The following NCKAP5 variants were observed in gnomAD, a reference collection of about 807,000 sequenced individuals.
The protein encoded by NCKAP5 is NCK associated protein 5, also known as nck-associated protein 5.
NCKAP5 carries 92 observed loss-of-function variants against 167.0 expected under a neutral mutation model. The observed-to-expected ratio is 0.55, with a 90% CI of 0.47 to 0.66. The LOEUF (loss-of-function observed/expected upper bound fraction) is 0.66. Ranked by LOEUF, NCKAP5 falls within the 30% of genes least tolerant of loss-of-function variation. The pLI, the probability that NCKAP5 is intolerant of heterozygous loss-of-function variation, is 0.00. For synonymous variants in NCKAP5, 891 were observed against 877.4 expected (o/e 1.02, Z -0.27); for missense variants, 2,378 against 2,315.0 (o/e 1.03, Z -0.56).
At chr2:133,194,713 T>C (rs2085363666) in intron 5 of NCKAP5, among the ~76,000 whole-genome samples, 2 of 151,896 alleles carry the variant, frequency 1.3e-5, no homozygotes, top group Non-Finnish European at 2.9e-5. Context: ...ATTTAAATTT[T>C]ATATAACTAA....
chr2:133,382,337 C>T (rs1223424537), intron 3 of NCKAP5, among the ~76,000 whole-genome samples: 1 of 152,192 alleles, frequency 6.6e-6, no homozygotes, highest in Non-Finnish European at 1.5e-5. Flanking sequence ...TATTATGCCC[C>T]TCCCTCGAAT....
chr2:133,364,717 G>A (rs1258030026), intron 3 of NCKAP5, among the ~76,000 whole-genome samples: 3 of 151,998 alleles, frequency 2.0e-5, no homozygotes, highest in East Asian at 3.9e-4. Flanking sequence ...TGTGTGCTCA[G>A]TAGATCACAG....
intron 16 of NCKAP5, among the ~76,000 whole-genome samples, chr2:132,770,503 A>C (rs1574144057): frequency 6.6e-6 from 1 of 150,532 alleles, no homozygotes; most frequent in East Asian, 1.9e-4. Flanking sequence ...ATGGATTGTC[A>C]GGCTTTTTTG....
chr2:133,502,851 G>C (rs1050271613), intron 3 of NCKAP5, among the ~76,000 whole-genome samples: 1 of 152,250 alleles, frequency 6.6e-6, no homozygotes, highest in Non-Finnish European at 1.5e-5. Flanking sequence ...ATGAATGAAT[G>C]AGTGGCAAGC....
the NCKAP5 span, among the ~76,000 whole-genome samples, chr2:133,590,523 C>CAAAAAAAAA: frequency 1.1e-5 from 1 of 89,704 alleles, no homozygotes; most frequent in Non-Finnish European, 2.1e-5. Context: ...GACTCTGTCT[C>CAAAAAAAAA]AAAAAAAAAA....
chr2:133,242,980 A>T (rs931509147), intron 4 of NCKAP5, among the ~76,000 whole-genome samples: 4 of 152,140 alleles, frequency 2.6e-5, no homozygotes, highest in Non-Finnish European at 4.4e-5. Context: ...AAAAAGAAAG[A>T]CTTCCTCATA....
intron 19 of NCKAP5, among the ~76,000 whole-genome samples, chr2:132,700,904 C>A (rs1372828688): frequency 7.4e-6 from 1 of 134,756 alleles, no homozygotes; most frequent in Non-Finnish European, 1.5e-5. Context: ...GGTCTCTTTC[C>A]TGCATGCTGG....
chr2:133,151,330 T>G (rs2083377727), intron 5 of NCKAP5, among the ~76,000 whole-genome samples: 1 of 151,614 alleles, frequency 6.6e-6, no homozygotes, highest in East Asian at 1.9e-4. Flanking sequence ...ACTTCTGCTC[T>G]GTGAAAAATA....
chr2:133,388,049 C>G (rs747997598), intron 3 of NCKAP5, among the ~76,000 whole-genome samples: 1 of 152,212 alleles, frequency 6.6e-6, no homozygotes, highest in Admixed American at 6.5e-5. Context: ...AACTCATCAA[C>G]GTAATTCTCC....
Position 133,015,734 on chromosome 2 carries a change from G to C in NCKAP5, c.342-21495C>G, listed in dbSNP as rs546781380. 2.0e-5 allele frequency among the ~76,000 whole-genome samples: 3 copies of C among 152,114 alleles called. No homozygotes were observed. In the East Asian group the frequency reaches 5.8e-4, roughly 29 times the overall value. ...ACAAGACCCAGTCTCTACTCAAAAG[G>C]AACTTACTACTGCTTAATGAGGAGA... is the stretch of plus-strand genomic sequence containing the variant. On this transcript the variant is annotated intron_variant, in intron 6 of 19. Transcript: ENST00000409261.
At chr2:133,457,744 C>T (rs780788191) in intron 3 of NCKAP5, among the ~76,000 whole-genome samples, 19 of 152,104 alleles carry the variant, frequency 1.2e-4, no homozygotes, top group South Asian at 2.1e-4. Flanking sequence ...TCTTAAAGGG[C>T]CAGTTTTTCT....
chr2:133,502,809 GT>G (rs1362819952), intron 3 of NCKAP5, among the ~76,000 whole-genome samples: 2 of 152,204 alleles, frequency 1.3e-5, no homozygotes, highest in East Asian at 3.8e-4. Flanking sequence ...GAAATGAGGC[GT>G]TCAATGAACG....
chr2:133,109,429 G>A (rs1267983643), intron 6 of NCKAP5, among the ~76,000 whole-genome samples: 1 of 152,188 alleles, frequency 6.6e-6, no homozygotes, highest in Non-Finnish European at 1.5e-5. Context: ...AGAGAGTTAT[G>A]AGAATTATAT....
intron 3 of NCKAP5, among the ~76,000 whole-genome samples, chr2:133,489,238 T>C (rs575822518): frequency 2.0e-5 from 3 of 152,330 alleles, no homozygotes; most frequent in African/African-American, 4.8e-5. Context: ...TACATACTTA[T>C]CTGAAATGAG....
intron 2 of NCKAP5, among the ~76,000 whole-genome samples, chr2:133,549,930 A>G (rs1394885173): frequency 4.9e-5 from 7 of 142,150 alleles, no homozygotes; most frequent in African/African-American, 1.3e-4. Context: ...CACCGATCCC[A>G]CAGAAATACA....
chr2:133,253,421 T>C (rs1305756486), intron 4 of NCKAP5, among the ~76,000 whole-genome samples: 2 of 152,222 alleles, frequency 1.3e-5, no homozygotes, highest in Non-Finnish European at 2.9e-5. Flanking sequence ...ATTAAGTAAA[T>C]GAAGGCTATA....
At chr2:132,691,249 CT>C (rs1171845029) in intron 19 of NCKAP5, among the ~76,000 whole-genome samples, 2 of 152,164 alleles carry the variant, frequency 1.3e-5, no homozygotes, top group African/African-American at 2.4e-5. Flanking sequence ...TCCTGATAGC[CT>C]GTTCTTCATA....
chr2:132,944,476 A>G (rs1160697364), intron 8 of NCKAP5, among the ~76,000 whole-genome samples: 1 of 152,200 alleles, frequency 6.6e-6, no homozygotes, highest in African/African-American at 2.4e-5. Flanking sequence ...GTACATTACC[A>G]TACTGATTTA....
intron 6 of NCKAP5, among the ~76,000 whole-genome samples, chr2:133,084,076 G>A (rs999791097): frequency 2.6e-5 from 4 of 152,136 alleles, no homozygotes; most frequent in African/African-American, 9.7e-5. Flanking sequence ...AGGCATCCGT[G>A]GCAGAGGCTA....
Sources: gnomAD v4.1 joint callset for allele counts (sites outside exome capture counted in the v4.1 genomes callset) on GRCh38, gnomAD v4.1.1 for gene constraint, MANE v1.5 for transcripts, NCBI Gene and HGNC (gene_info 2026-07-23, HGNC 2026-07-21) for gene names.